RAB3GAP2: variants seen among roughly 807,000 people sequenced by gnomAD.
The protein encoded by RAB3GAP2 is rab3 GTPase-activating protein non-catalytic subunit.
A neutral mutation model predicts 185.3 loss-of-function variants in RAB3GAP2; 87 were observed. The ratio of observed to expected loss-of-function variants is 0.47; its 90% CI spans 0.39 to 0.56. RAB3GAP2 has a LOEUF of 0.56. RAB3GAP2 is among the 20% of genes least tolerant of loss of function. RAB3GAP2 has a pLI of 0.00. For missense variants in RAB3GAP2, 1,492 were observed against 1,638.2 expected, an observed-to-expected ratio of 0.91 and a Z score of 1.54; for synonymous variants, 554 against 576.1, an observed-to-expected ratio of 0.96 and a Z score of 0.55.
At chr1:220,213,729 A>G (rs1659126361) in intron 3 of RAB3GAP2, 127 bp downstream of exon 3, 2 of 637,310 alleles carry the variant, frequency 3.1e-6, no homozygotes, top group Non-Finnish European at 4.7e-6. Flanking sequence ...GCGGAGGAGG[A>G]GTTGGGGGGG....
intron 1 of RAB3GAP2, chr1:220,253,493 GGAGTTGGGTGGGGTAGA>G: frequency 6.6e-7 from 1 of 1,526,534 alleles, no homozygotes; most frequent in South Asian, 1.2e-5. Context: ...CGTCTGACGC[GGAGTTGGGTGGGGTAGA>G]GAGTAGGGGG....
At position 220,151,716 on chromosome 1, in the gene RAB3GAP2, C is replaced by A. The variant is rs765711795; in HGVS notation, c.3916G>T (p.Val1306Leu). The A allele has an allele frequency of 6.6e-5, 107 of 1,612,008 alleles. No individual in the cohort carries two copies. Among genetic ancestry groups the A allele is most frequent in the Non-Finnish European group, 8.8e-5 (104 of 1,178,234 alleles). Residue 1306 changes from valine (V) to leucine (L), a missense_variant, in exon 34 of 35, where the codon GTG (valine) becomes TTG (leucine). Val to Leu is a conservative substitution (Grantham distance 32). Coordinates refer to ENST00000358951, the MANE Select transcript of RAB3GAP2 (RefSeq NM_012414.4). ...DKEVLASQLLVLTGQRLAHAL... is the reference protein window; with the variant it reads ...DKEVLASQLLLLTGQRLAHAL... ...TGAGCCAGCCTTTGCCCCGTGAGCACCAGCAGCTGAGAGGCAAGGACCTCT... is the reference window on the plus strand; with the variant it reads ...TGAGCCAGCCTTTGCCCCGTGAGCAACAGCAGCTGAGAGGCAAGGACCTCT...
intron 20 of RAB3GAP2, 92 bp downstream of exon 20, chr1:220,182,626 A>G: frequency 1.6e-6 from 2 of 1,271,762 alleles, no homozygotes; most frequent in South Asian, 3.0e-5. Context: ...TTAAATTTCA[A>G]AACAAATGGA....
rs1040310872 is a variant in RAB3GAP2, at chr1:220,172,548, T to C, written c.2416+89A>G. The C allele has an allele frequency of 2.5e-5, 22 of 876,290 alleles. No individual in the cohort carries two copies. In the African/African-American group the frequency reaches 3.7e-4, roughly 15 times the overall value. The allele number at this position is 876,290 out of a possible 1,614,324, so 54.3% of individuals were successfully genotyped here. ...AAATGTTTTGTACACTACAGACTCC[T>C]TTTGTTAAGGGATCCTATCCACTCT... On this transcript the variant is annotated intron_variant, in intron 22 of 34. Transcript: ENST00000358951.
intron 1 of RAB3GAP2, among the ~76,000 whole-genome samples, chr1:220,268,936 T>C (rs1327165593): frequency 6.6e-6 from 1 of 152,200 alleles, no homozygotes; most frequent in South Asian, 2.1e-4. Context: ...TTAATTAAAA[T>C]TAACTTGAAT....
chr1:220,224,005 C>CAAAAAAA (rs1170784100), intron 2 of RAB3GAP2, among the ~76,000 whole-genome samples: 2 of 90,170 alleles, frequency 2.2e-5, no homozygotes, highest in African/African-American at 4.1e-5. Context: ...GACCCTATCT[C>CAAAAAAA]AAAAAAAAAA....
At chr1:220,253,866 T>C (rs1571930910) in intron 1 of RAB3GAP2, 1 of 1,613,100 alleles carries the variant, frequency 6.2e-7, no homozygotes, top group East Asian at 2.2e-5. Flanking sequence ...AGAAGACATC[T>C]GGTCTGCAAC....
At position 220,272,324 on chromosome 1, in the gene RAB3GAP2, A is replaced by G; in HGVS notation, c.14T>C (p.Ile5Thr). The G allele has an allele frequency of 1.2e-6, 2 of 1,611,382 alleles. No individual in the cohort carries two copies. The highest frequency in any genetic ancestry group is 1.7e-4 in the Middle Eastern group (1 of 6,058). The change falls in exon 1 of 35, where the codon ATT becomes ACT. Residue 5 changes from isoleucine (I) to threonine (T), a missense_variant. Physicochemically the swap from Ile to Thr is moderately conservative, Grantham distance 89. Around this residue, in one of 5 missense-constraint regions of RAB3GAP2, gnomAD observed 177 missense variants for 160.6 expected, o/e 1.10. Transcript: ENST00000358951. MACSIVQFCYFQDLQ... is the reference protein window; with the variant it reads MACSTVQFCYFQDLQ... Reference sequence around the variant, plus strand: ...GTCCTGGAAGTAGCAGAACTGGACAATGGAGCAGGCCATGGCTCCAGGGAA... The same window carrying G: ...GTCCTGGAAGTAGCAGAACTGGACAGTGGAGCAGGCCATGGCTCCAGGGAA...
intron 1 of RAB3GAP2, among the ~76,000 whole-genome samples, chr1:220,255,642 T>G (rs1196246554): frequency 6.6e-6 from 1 of 152,118 alleles, no homozygotes; most frequent in Non-Finnish European, 1.5e-5. Context: ...CAATCACAAG[T>G]ATCAATAGCA....
intron 1 of RAB3GAP2, chr1:220,267,389 G>T: frequency 1.6e-6 from 2 of 1,255,776 alleles, no homozygotes; most frequent in Non-Finnish European, 2.3e-6. Flanking sequence ...CTTCTGAGTT[G>T]ATGCTCCACT....
chr1:220,171,776 C>G, intron 23 of RAB3GAP2, 113 bp downstream of exon 23: 2 of 1,150,264 alleles, frequency 1.7e-6, no homozygotes, highest in Non-Finnish European at 2.6e-6. Flanking sequence ...AAGGGGAGCA[C>G]CTCTCATCCC....
At chr1:220,195,227 T>C in intron 11 of RAB3GAP2, 60 bp from the exon 12 acceptor site, 2 of 1,602,044 alleles carry the variant, frequency 1.2e-6, no homozygotes, top group East Asian at 2.2e-5. Context: ...AAGTGCAAAC[T>C]ATCAAAATAT....
chr1:220,252,152 GAAAAAAAAA>G (rs58516168), intron 1 of RAB3GAP2, among the ~76,000 whole-genome samples: 1 of 96,000 alleles, frequency 1.0e-5, no homozygotes, highest in Non-Finnish European at 2.1e-5. Flanking sequence ...CTCAAAAAAA[GAAAAAAAAA>G]AAAAAAAAAG....
intron 17 of RAB3GAP2, among the ~76,000 whole-genome samples, chr1:220,188,226 G>A (rs935157601): frequency 6.6e-6 from 1 of 151,968 alleles, no homozygotes; most frequent in Non-Finnish European, 1.5e-5. Flanking sequence ...TAGATGCTGT[G>A]AATTATAAAA....
Position 220,185,718 on chromosome 1 carries a change from A to G in RAB3GAP2, c.1803T>C (p.Ser601=). 1.9e-6 allele frequency: 3 copies of G among 1,612,152 alleles called. No homozygotes were observed. The highest frequency in any genetic ancestry group is 2.5e-6 in the Non-Finnish European group (3 of 1,178,576). Residue 601 remains serine (S), a synonymous_variant, in exon 18 of 35, where the codon AGT becomes AGC. Transcript: ENST00000358951. ...KKQALESILA[S]ERLPFSCLRN... ...TAAGGCAAGAAAATGGTAAACGTTC[A>G]CTTGCCAAAATGCTTTCCAAAGCCT...
intron 1 of RAB3GAP2, among the ~76,000 whole-genome samples, chr1:220,260,010 A>G (rs1658006210): frequency 6.6e-6 from 1 of 152,260 alleles, no homozygotes; most frequent in African/African-American, 2.4e-5. Flanking sequence ...ACTAATCATT[A>G]CAGAAATGCA....
chr1:220,265,484 T>A (rs141468704), intron 1 of RAB3GAP2, among the ~76,000 whole-genome samples: 1 of 151,978 alleles, frequency 6.6e-6, no homozygotes, highest in Non-Finnish European at 1.5e-5. Flanking sequence ...TCTATTCATG[T>A]ATTTATTTAT....
At chr1:220,196,164 A>G in intron 10 of RAB3GAP2, 86 bp downstream of exon 10, 2 of 1,444,054 alleles carry the variant, frequency 1.4e-6, no homozygotes, top group Non-Finnish European at 1.9e-6. Context: ...TAATCTTCTA[A>G]GGCTAAGCAA....
chr1:220,159,413 T>C lies in RAB3GAP2; in HGVS notation c.3234A>G (p.Lys1078=). The C allele has an allele frequency of 6.3e-7, 1 of 1,599,438 alleles. No individual in the cohort carries two copies. The highest frequency in any genetic ancestry group is 8.6e-7 in the Non-Finnish European group (1 of 1,167,424). The change falls in exon 29 of 35, where the codon AAA becomes AAG. Residue 1078 remains lysine (K), a synonymous_variant. Transcript: ENST00000358951. ...AATYLMDKVG[K]SPKDRLCRRD... ...TTCGGCATAACCTATCTTTTGGTGA[T>C]TTTCCAACCTAAAATAAAAAGATAA...
Sources: allele counts gnomAD v4.1 joint callset (sites outside exome capture counted in the v4.1 genomes callset), GRCh38; gene constraint gnomAD v4.1.1; regional missense constraint gnomAD v4.1.1; transcripts MANE v1.5; gene names NCBI Gene and HGNC (gene_info 2026-07-23, HGNC 2026-07-21).